CCND1: variants seen among roughly 807,000 people sequenced by gnomAD.
The protein encoded by CCND1 is G1/S-specific cyclin-D1.
Under a neutral mutation model 26.1 loss-of-function variants are expected in CCND1, and 9 were observed. That is an observed-to-expected ratio of 0.35 (90% CI 0.21 to 0.60). The LOEUF is 0.60. Among genes scored for constraint, CCND1 ranks in the 20% least tolerant of loss-of-function variants. The pLI is 0.79. For synonymous variants in CCND1, 194 were observed against 166.1 expected, an observed-to-expected ratio of 1.17 and a Z score of -1.29; for missense variants, 335 against 392.9, an observed-to-expected ratio of 0.85 and a Z score of 1.25.
intron 4 of CCND1, among the ~76,000 whole-genome samples, chr11:69,650,716 G>C (rs1011985602): frequency 1.2e-4 from 18 of 152,232 alleles, no homozygotes; most frequent in South Asian, 4.1e-4. Flanking sequence ...GGTTAAGTCT[G>C]AAAAGGCTGA....
chr11:69,648,775 T>G (rs899008677), intron 4 of CCND1, among the ~76,000 whole-genome samples: 1 of 152,054 alleles, frequency 6.6e-6, no homozygotes, highest in African/African-American at 2.4e-5. Context: ...CCCCGCGGTG[T>G]GTGAGGGAGT....
In CCND1 at chr11:69,645,462, C is replaced by T. The variant is rs1262982930; in HGVS notation, c.574+1471C>T. ...ACTGCACACCCTTTGTCTGCGAAGG[C>T]GCCCCCAGCGGTGGGTGAAGGAGGA... On this transcript the variant is annotated intron_variant, in intron 3 of 4. Transcript: ENST00000227507. Among the ~76,000 whole-genome samples, 13 of 152,250 alleles carry T rather than the reference C, an allele frequency of 8.5e-5. No homozygotes were observed. The Middle Eastern group carries it at 0.014, about 159-fold the overall frequency.
chr11:69,653,209 C>T lies in CCND1; in HGVS notation c.*1927C>T. 1 of 694,740 alleles carries T rather than the reference C, an allele frequency of 1.4e-6. No individual in the cohort carries two copies. Among genetic ancestry groups the T allele is most frequent in the Non-Finnish European group, 2.6e-6 (1 of 381,138 alleles). The allele number at this position is 694,740 out of a possible 1,614,324, so 43.0% of individuals were successfully genotyped here. On this transcript the variant is annotated 3_prime_UTR_variant, in exon 5 of 5. Transcript: ENST00000227507. ...CCGAGGGGAAGGGGCGGTGCCCACACCGGGGACAGGCCGCAGCTCCATTTT... is the reference window on the plus strand; with the variant it reads ...CCGAGGGGAAGGGGCGGTGCCCACATCGGGGACAGGCCGCAGCTCCATTTT...
Position 69,652,335 on chromosome 11 carries a change from T to C in CCND1, c.*1053T>C. On this transcript the variant is annotated 3_prime_UTR_variant, in exon 5 of 5. Coordinates refer to ENST00000227507, the MANE Select transcript of CCND1 (RefSeq NM_053056.3). The stretch of plus-strand genomic sequence containing the variant: ...ATAGGTGTAGGAAATAGCGCTGTTT[T>C]TGTTGTGTGTGCAGGGAGGGCAGTT... 1 of 233,660 alleles carries C rather than the reference T, an allele frequency of 4.3e-6. No homozygotes were observed. Among genetic ancestry groups the C allele is most frequent in the Non-Finnish European group, 8.5e-6 (1 of 118,054 alleles). 14.5% of individuals were successfully genotyped at this position (233,660 alleles called of 1,614,324 possible). A position where few individuals can be genotyped will look rare whatever the true frequency, so the allele number is the denominator to read the frequency against.
In CCND1 at chr11:69,651,038, G is replaced by C. The variant is rs1453886951; in HGVS notation, c.724-80G>C. On this transcript the variant is annotated intron_variant, in intron 4 of 4. Coordinates refer to ENST00000227507, the MANE Select transcript of CCND1 (RefSeq NM_053056.3). ...GCTCTTATAAAGGCTTCCGGGTCAT[G>C]GCACCTGGGAAGGGGCCCTCGCTGC... 4.9e-5 allele frequency: 68 copies of C among 1,387,458 alleles called. 3 individuals carry two copies. In the South Asian group the frequency reaches 8.5e-4, roughly 17 times the overall value. 85.9% of individuals were successfully genotyped at this position (1,387,458 alleles called of 1,614,324 possible). A position where few individuals can be genotyped will look rare whatever the true frequency, so the allele number is the denominator to read the frequency against.
intron 3 of CCND1, 188 bp downstream of exon 3, chr11:69,644,179 G>A (rs887124888): frequency 1.6e-6 from 1 of 636,696 alleles, no homozygotes; most frequent in Admixed American, 2.5e-5. Context: ...TGGATGGAGG[G>A]AGATTTGCTC....
At position 69,654,116 on chromosome 11, in the gene CCND1, G is replaced by GCC; in HGVS notation, c.*2836_*2837dup. 8 of 651,638 alleles carry GCC rather than the reference G, an allele frequency of 1.2e-5. No homozygotes were observed. Among genetic ancestry groups the GCC allele is most frequent in the Admixed American group, 2.1e-5 (1 of 47,728 alleles). The allele number at this position is 651,638 out of a possible 1,614,324, so 40.4% of individuals were successfully genotyped here. On this transcript the variant is annotated 3_prime_UTR_variant, in exon 5 of 5. Transcript: ENST00000227507. The surrounding 1 kb of genome is among the most constrained non-coding windows in gnomAD (Gnocchi z 6.3). ...TGCTCGGAGGCCATCTCGGGCACAG[G>GCC]CCCACCCCGCCCCACCCCTCCAGAA...
intron 1 of CCND1, 45 bp from the exon 2 acceptor site, chr11:69,642,986 C>A: frequency 7.1e-7 from 1 of 1,415,556 alleles, no homozygotes; most frequent in Non-Finnish European, 9.4e-7. Flanking sequence ...TGCGGGGGGG[C>A]GGCGCGACCT....
intron 3 of CCND1, chr11:69,644,286 T>C: frequency 2.2e-6 from 1 of 447,072 alleles, no homozygotes; most frequent in Non-Finnish European, 4.1e-6. Flanking sequence ...CCAGGCAGCC[T>C]GTGGCCACTC....
chr11:69,651,084 C>A (rs1855847752), intron 4 of CCND1, 34 bp from the exon 5 acceptor site: 1 of 1,597,432 alleles, frequency 6.3e-7, no homozygotes, highest in Admixed American at 1.7e-5. Flanking sequence ...TAAGGACCCC[C>A]TCTTCCCACC....
intron 4 of CCND1, among the ~76,000 whole-genome samples, chr11:69,650,789 G>A (rs1226663828): frequency 6.6e-6 from 1 of 151,964 alleles, no homozygotes; most frequent in Non-Finnish European, 1.5e-5. Flanking sequence ...CAGGGAGCTG[G>A]CACGGCCAGT....
At chr11:69,650,449 G>C (rs189539851) in intron 4 of CCND1, among the ~76,000 whole-genome samples, 2 of 152,356 alleles carry the variant, frequency 1.3e-5, no homozygotes, top group Admixed American at 1.3e-4. Flanking sequence ...GGGTGGAGGT[G>C]CAGGACTTCC....
chr11:69,641,860 C>T (rs1855707302), intron 1 of CCND1, among the ~76,000 whole-genome samples: 1 of 151,990 alleles, frequency 6.6e-6, no homozygotes, highest in Non-Finnish European at 1.5e-5. Context: ...CCGGCTGCGC[C>T]TCAGCGGCCG....
At chr11:69,642,433 G>A (rs1474983834) in intron 1 of CCND1, among the ~76,000 whole-genome samples, 1 of 152,148 alleles carries the variant, frequency 6.6e-6, no homozygotes, top group Admixed American at 6.5e-5. Context: ...CCAGGGGGAA[G>A]GGGGGGCCCC....
intron 2 of CCND1, 48 bp from the exon 3 acceptor site, chr11:69,643,784 C>G: frequency 6.4e-7 from 1 of 1,563,134 alleles, no homozygotes; most frequent in Non-Finnish European, 8.7e-7. Context: ...CCCGCGCCCC[C>G]GGGCTGGCCC....
intron 2 of CCND1, 75 bp downstream of exon 2, chr11:69,643,321 C>A: frequency 2.5e-6 from 3 of 1,223,598 alleles, no homozygotes; most frequent in African/African-American, 1.6e-5. Context: ...AAGGTGCAGG[C>A]GGTGGCGGCC....
chr11:69,651,230 A>AGGAGGT lies in CCND1; in HGVS notation c.840_845dup (p.Glu280_Val281dup). 3 of 1,601,202 alleles carry AGGAGGT rather than the reference A, an allele frequency of 1.9e-6. No individual in the cohort carries two copies. The highest frequency in any genetic ancestry group is 2.6e-6 in the Non-Finnish European group (3 of 1,172,652). ...GCCGAGGAGGAGGAAGAGGAGGAGG[A>AGGAGGT]GGAGGTGGACCTGGCTTGCACACCC... On this transcript the variant is annotated inframe_insertion, in exon 5 of 5. Coordinates refer to ENST00000227507, the MANE Select transcript of CCND1 (RefSeq NM_053056.3).
chr11:69,648,266 GC>G, intron 4 of CCND1, 124 bp downstream of exon 4: 1 of 1,113,420 alleles, frequency 9.0e-7, no homozygotes, highest in South Asian at 1.5e-5. Flanking sequence ...CTGGGGCTGG[GC>G]CCCTCGGACC....
intron 3 of CCND1, among the ~76,000 whole-genome samples, chr11:69,646,889 C>A (rs996677871): frequency 6.6e-6 from 1 of 152,230 alleles, no homozygotes; most frequent in Non-Finnish European, 1.5e-5. Context: ...ACTACTGCAG[C>A]CTGGCAGGCG....
Sources: allele counts gnomAD v4.1 joint callset (sites outside exome capture counted in the v4.1 genomes callset), GRCh38; gene constraint gnomAD v4.1.1; non-coding constraint Gnocchi (gnomAD v3.1); transcripts MANE v1.5; gene names NCBI Gene and HGNC (gene_info 2026-07-23, HGNC 2026-07-21).